The following CACNA1A variants were observed in gnomAD, a reference collection of about 807,000 sequenced individuals.
CACNA1A encodes the protein voltage-dependent P/Q-type calcium channel subunit alpha-1A.
Under a neutral mutation model 262.4 loss-of-function variants are expected in CACNA1A, and 57 were observed. That is an observed-to-expected ratio of 0.22 (90% CI 0.18 to 0.27). The LOEUF is 0.27. Ranked by LOEUF, CACNA1A falls within the 10% of genes least tolerant of loss-of-function variation. The pLI is 1.00. For missense variants in CACNA1A, 2,526 were observed against 3,562.8 expected (o/e 0.71, Z 7.41); for synonymous variants, 1,431 against 1,419.3 (o/e 1.01, Z -0.18).
chr19:13,222,702 T>C (rs1455775686), intron 38 of CACNA1A, among the ~76,000 whole-genome samples: 2 of 149,852 alleles, frequency 1.3e-5, no homozygotes, highest in Non-Finnish European at 3.0e-5. Flanking sequence ...GCCTCAGCTT[T>C]TTTTTTTTTT....
intron 38 of CACNA1A, among the ~76,000 whole-genome samples, chr19:13,217,485 C>A (rs890353919): frequency 1.3e-5 from 2 of 152,208 alleles, no homozygotes; most frequent in African/African-American, 4.8e-5. Flanking sequence ...TGTTATCACT[C>A]TTCCATTGTT....
At chr19:13,388,041 G>A (rs2059644928) in intron 3 of CACNA1A, among the ~76,000 whole-genome samples, 1 of 151,912 alleles carries the variant, frequency 6.6e-6, no homozygotes. Context: ...GGGATGTAGT[G>A]GCCCCCTAAC....
intron 24 of CACNA1A, among the ~76,000 whole-genome samples, chr19:13,267,362 C>T (rs1216501382): frequency 6.6e-6 from 1 of 152,204 alleles, no homozygotes; most frequent in Non-Finnish European, 1.5e-5. Context: ...ATCCTTCCAT[C>T]TGGAAGCCGC....
At chr19:13,416,225 C>T (rs1370454518) in intron 3 of CACNA1A, among the ~76,000 whole-genome samples, 1 of 152,118 alleles carries the variant, frequency 6.6e-6, no homozygotes, top group Non-Finnish European at 1.5e-5. Flanking sequence ...CTCATCCTCC[C>T]GAGTAGCTGG....
chr19:13,412,530 T>G (rs1252424010), intron 3 of CACNA1A, among the ~76,000 whole-genome samples: 5 of 151,542 alleles, frequency 3.3e-5, no homozygotes, highest in African/African-American at 9.7e-5. Context: ...CAGGCTGGAG[T>G]GCAGTGGCGC....
chr19:13,435,280 ATTT>A (rs763650240), intron 3 of CACNA1A, among the ~76,000 whole-genome samples: 6 of 141,294 alleles, frequency 4.2e-5, no homozygotes, highest in Non-Finnish European at 9.3e-5. Flanking sequence ...TGCCTGGCTA[ATTT>A]TTTTTTTTTT....
chr19:13,206,942 A>C lies in CACNA1A; in HGVS notation c.*371T>G, dbSNP rs1277493606. The C allele has an allele frequency of 1.3e-5, 1 of 76,076 alleles. No individual in the cohort carries two copies. Among genetic ancestry groups the C allele is most frequent in the Admixed American group, 1.5e-4 (1 of 6,850 alleles). 4.7% of individuals were successfully genotyped at this position (76,076 alleles called of 1,614,324 possible). A position where few individuals can be genotyped will look rare whatever the true frequency, so the allele number is the denominator to read the frequency against. On this transcript the variant is annotated 3_prime_UTR_variant, in exon 47 of 47. Coordinates refer to ENST00000360228, the MANE Select transcript of CACNA1A (RefSeq NM_001127222.2). ...TTTCTCCCCGTTTTTTCTTTTAAAAATGTTTTTTTTTTTTTTTTTTTTTTT... is the reference window on the plus strand; with the variant it reads ...TTTCTCCCCGTTTTTTCTTTTAAAACTGTTTTTTTTTTTTTTTTTTTTTTT...
chr19:13,290,462 C>G (rs1403606367), intron 19 of CACNA1A, among the ~76,000 whole-genome samples: 1 of 151,940 alleles, frequency 6.6e-6, no homozygotes, highest in African/African-American at 2.4e-5. Context: ...CTCTGTTGCC[C>G]AGGCTGAAGT....
At chr19:13,472,172 T>C (rs1599331509) in intron 1 of CACNA1A, among the ~76,000 whole-genome samples, 1 of 152,002 alleles carries the variant, frequency 6.6e-6, no homozygotes, top group African/African-American at 2.4e-5. Context: ...GGTCTCCCTA[T>C]GTTGCCCAGG....
Position 13,224,720 on chromosome 19 carries a change from T to C in CACNA1A, c.5678A>G (p.Asn1893Ser), listed in dbSNP as rs1317965482. Residue 1893 changes from asparagine to serine, a missense_variant, in exon 38 of 47, where the codon AAT becomes AGT. Physicochemically the swap from Asn to Ser is conservative, Grantham distance 46. This residue lies in a region of CACNA1A where 112 missense variants were observed against 197.2 expected (regional missense o/e 0.57). Transcript: ENST00000360228. ...GCGGATCAGAGCCATGAGGGTGGAA[T>C]TGAAGTGGACGGTGTTGTCATCTGC... is the stretch of plus-strand genomic sequence containing the variant. The part of the protein sequence containing the change: ...PVADDNTVHF[N>S]STLMALIRTA... 3.1e-6 allele frequency: 5 copies of C among 1,612,844 alleles called. No individual in the cohort carries two copies. Among genetic ancestry groups the C allele is most frequent in the East Asian group, 2.2e-5 (1 of 44,838 alleles).
rs904573280 is a variant in CACNA1A at position 13,368,555 on chromosome 19, A to G, written c.632-3086T>C. Among the ~76,000 whole-genome samples, 5 of 152,254 alleles carry G rather than the reference A, an allele frequency of 3.3e-5. No individual in the cohort carries two copies. In the East Asian group the frequency reaches 9.7e-4, roughly 29 times the overall value. On this transcript the variant is annotated intron_variant, in intron 4 of 46. Transcript: ENST00000360228. ...CAGGTCTGAACGATGACAACATCCT[A>G]TGTTTGTAACCACTATGGTATCTAC...
chr19:13,349,590 C>G (rs2058868209), intron 6 of CACNA1A, among the ~76,000 whole-genome samples: 1 of 152,212 alleles, frequency 6.6e-6, no homozygotes, highest in South Asian at 2.1e-4. Flanking sequence ...TGTTGCAGTA[C>G]TCATGGGGTT....
At chr19:13,251,862 T>G (rs1019614138) in intron 30 of CACNA1A, among the ~76,000 whole-genome samples, 1 of 152,050 alleles carries the variant, frequency 6.6e-6, no homozygotes, top group African/African-American at 2.4e-5. Context: ...CTTTGTGGGT[T>G]CAAGCGATTC....
intron 1 of CACNA1A, among the ~76,000 whole-genome samples, chr19:13,477,493 G>A (rs1978690088): frequency 1.3e-5 from 2 of 152,200 alleles, no homozygotes; most frequent in Admixed American, 6.5e-5. Flanking sequence ...GGCAAGGACT[G>A]TTTTGCCCAT....
chr19:13,310,283 C>T (rs1029517713), intron 12 of CACNA1A, among the ~76,000 whole-genome samples: 7 of 150,204 alleles, frequency 4.7e-5, no homozygotes, highest in Non-Finnish European at 8.9e-5. Flanking sequence ...TGCTGAATCC[C>T]GGTCTCTACA....
In CACNA1A at chr19:13,207,453, C is replaced by T. The variant is rs777898817; in HGVS notation, c.7381G>A (p.Ala2461Thr). 2.0e-6 allele frequency: 3 copies of T among 1,503,686 alleles called. No individual in the cohort carries two copies. In the South Asian group the frequency reaches 3.6e-5, roughly 18 times the overall value. The allele number at this position is 1,503,686 out of a possible 1,614,324, so 93.1% of individuals were successfully genotyped here. Residue 2461 changes from alanine (A) to threonine (T), a missense_variant, in exon 47 of 47, where the codon GCC becomes ACC. Ala to Thr is a moderately conservative substitution (Grantham distance 58). Transcript: ENST00000360228. The surrounding 1 kb of genome is among the most constrained non-coding windows in gnomAD (Gnocchi z 5.7). ...SPRTPRASGP[A>T]CASPSRHGRR... ...CCGTGCCGAGAAGGCGAGGCGCAGG[C>T]CGGGCCCGAGGCCCGGGGAGTCCTG... is the stretch of plus-strand genomic sequence containing the variant.
chr19:13,388,936 CTT>C (rs906714037), intron 3 of CACNA1A, among the ~76,000 whole-genome samples: 7 of 151,970 alleles, frequency 4.6e-5, no homozygotes, highest in African/African-American at 1.7e-4. Flanking sequence ...GAGTTTTGCT[CTT>C]GTCACCCAGG....
At chr19:13,336,584 A>AGAGAGAGG (rs1555768066) in intron 6 of CACNA1A, among the ~76,000 whole-genome samples, 1 of 101,878 alleles carries the variant, frequency 9.8e-6, no homozygotes, top group Non-Finnish European at 2.0e-5. Flanking sequence ...AGAGAGACAG[A>AGAGAGAGG]GAGAGAGAGG....
chr19:13,210,014 G>T (rs187466678), intron 44 of CACNA1A, among the ~76,000 whole-genome samples: 1 of 152,014 alleles, frequency 6.6e-6, no homozygotes, highest in Non-Finnish European at 1.5e-5. Flanking sequence ...GGCTAACGGG[G>T]CTGTGCTCGC....
Sources: allele counts gnomAD v4.1 joint callset (sites outside exome capture counted in the v4.1 genomes callset), GRCh38; gene constraint gnomAD v4.1.1; regional missense constraint gnomAD v4.1.1; non-coding constraint Gnocchi (gnomAD v3.1); transcripts MANE v1.5; gene names NCBI Gene and HGNC (gene_info 2026-07-23, HGNC 2026-07-21).